SLC35F1: variants seen among roughly 807,000 people sequenced by gnomAD.
The protein encoded by SLC35F1 is solute carrier family 35 member F1.
SLC35F1 carries 14 observed loss-of-function variants against 48.7 expected under a neutral mutation model. The observed-to-expected ratio is 0.29, with a 90% CI of 0.19 to 0.45. SLC35F1 has a LOEUF of 0.45. SLC35F1 is among the 20% of genes least tolerant of loss of function. SLC35F1 has a pLI of 1.00. For synonymous variants in SLC35F1, 190 were observed against 202.2 expected, an observed-to-expected ratio of 0.94 and a Z score of 0.51; for missense variants, 404 against 500.0, an observed-to-expected ratio of 0.81 and a Z score of 1.83.
intron 1 of SLC35F1, among the ~76,000 whole-genome samples, chr6:117,914,088 A>G (rs777325694): frequency 1.2e-4 from 6 of 49,322 alleles, no homozygotes; most frequent in Non-Finnish European, 2.7e-4. Context: ...AAAGAATCCT[A>G]TCTATCTATC....
chr6:118,009,242 T>C (rs1777214487), intron 1 of SLC35F1, among the ~76,000 whole-genome samples: 1 of 152,098 alleles, frequency 6.6e-6, no homozygotes. Flanking sequence ...GGATAGAGGA[T>C]AAAGGGATTA....
At chr6:118,055,011 G>A (rs1487929140) in intron 1 of SLC35F1, among the ~76,000 whole-genome samples, 3 of 152,120 alleles carry the variant, frequency 2.0e-5, no homozygotes, top group Non-Finnish European at 4.4e-5. Context: ...TCCTGACCGC[G>A]TGATCCGCCT....
chr6:118,304,571 T>C (rs283057), intron 7 of SLC35F1, among the ~76,000 whole-genome samples: 88,311 of 151,976 alleles, frequency 0.58, 26,298 homozygotes, highest in African/African-American at 0.69. Context: ...GCAATTCAAA[T>C]TGATTTGTGG....
intron 2 of SLC35F1, among the ~76,000 whole-genome samples, chr6:118,222,505 G>A (rs1415926817): frequency 6.6e-6 from 1 of 151,626 alleles, no homozygotes; most frequent in African/African-American, 2.4e-5. Context: ...TAATTTATTG[G>A]GGGGTATAAA....
intron 3 of SLC35F1, among the ~76,000 whole-genome samples, chr6:118,255,070 A>C (rs281864): frequency 0.53 from 81,202 of 151,952 alleles, 22,007 homozygotes; most frequent in African/African-American, 0.58. Flanking sequence ...GAGCTCACAG[A>C]TGCTAGATTG....
intron 1 of SLC35F1, among the ~76,000 whole-genome samples, chr6:118,001,131 T>G (rs371038595): frequency 6.6e-6 from 1 of 152,128 alleles, no homozygotes; most frequent in Admixed American, 6.5e-5. Context: ...AAAAAGAGCC[T>G]GCATCGCCAA....
At chr6:118,279,310 C>A (rs1775954195) in intron 6 of SLC35F1, among the ~76,000 whole-genome samples, 1 of 152,054 alleles carries the variant, frequency 6.6e-6, no homozygotes, top group Non-Finnish European at 1.5e-5. Context: ...TAAAAAATGG[C>A]CTCAAAGGGG....
chr6:118,043,836 C>T (rs1052930579), intron 1 of SLC35F1, among the ~76,000 whole-genome samples: 2 of 152,194 alleles, frequency 1.3e-5, no homozygotes, highest in Non-Finnish European at 2.9e-5. Flanking sequence ...CTCAGATCTA[C>T]AGGTAAATAA....
chr6:118,009,595 A>C (rs536186187), intron 1 of SLC35F1, among the ~76,000 whole-genome samples: 11 of 152,294 alleles, frequency 7.2e-5, no homozygotes, highest in African/African-American at 2.6e-4. Context: ...CACAGAGCTA[A>C]TTAGAGGCAA....
intron 7 of SLC35F1, among the ~76,000 whole-genome samples, chr6:118,306,682 C>T (rs1776315837): frequency 6.6e-6 from 1 of 152,200 alleles, no homozygotes; most frequent in Admixed American, 6.5e-5. Flanking sequence ...ATTAAACATT[C>T]CCACAGAGTA....
At chr6:118,046,341 A>G (rs1360940039) in intron 1 of SLC35F1, among the ~76,000 whole-genome samples, 10 of 152,158 alleles carry the variant, frequency 6.6e-5, no homozygotes, top group Non-Finnish European at 2.9e-5. Flanking sequence ...TATCAGTTCT[A>G]TTATTGAGGC....
At chr6:118,000,719 T>C (rs1485073648) in intron 1 of SLC35F1, among the ~76,000 whole-genome samples, 2 of 152,162 alleles carry the variant, frequency 1.3e-5, no homozygotes, top group African/African-American at 2.4e-5. Context: ...CAGCTCAAAA[T>C]CTCCTTAAGC....
At chr6:118,248,962 G>GA (rs1775539938) in intron 3 of SLC35F1, among the ~76,000 whole-genome samples, 1 of 152,152 alleles carries the variant, frequency 6.6e-6, no homozygotes, top group Admixed American at 6.5e-5. Flanking sequence ...TTATAAAAGA[G>GA]ACCCCATTGA....
chr6:118,185,113 T>C (rs1004023581), intron 2 of SLC35F1, among the ~76,000 whole-genome samples: 1 of 152,152 alleles, frequency 6.6e-6, no homozygotes, highest in African/African-American at 2.4e-5. Context: ...AGTGATAGCA[T>C]TAGCAAGAGG....
At chr6:118,079,000 G>T (rs1159714971) in intron 1 of SLC35F1, among the ~76,000 whole-genome samples, 7 of 151,986 alleles carry the variant, frequency 4.6e-5, no homozygotes, top group Non-Finnish European at 1.0e-4. Context: ...AGGCCACTAG[G>T]GGTCCACTTA....
At chr6:118,179,798 G>A (rs1382341880) in intron 2 of SLC35F1, among the ~76,000 whole-genome samples, 1 of 152,092 alleles carries the variant, frequency 6.6e-6, no homozygotes, top group Non-Finnish European at 1.5e-5. Flanking sequence ...ACGAGTGCAG[G>A]CCAGTAGCTC....
intron 6 of SLC35F1, among the ~76,000 whole-genome samples, chr6:118,283,929 C>T (rs994188248): frequency 2.6e-5 from 4 of 152,142 alleles, no homozygotes; most frequent in African/African-American, 4.8e-5. Context: ...TTTACCTTTC[C>T]GAAATAGGAA....
intron 1 of SLC35F1, among the ~76,000 whole-genome samples, chr6:117,923,691 G>GTGTACATATGTACATATA (rs1775955264): frequency 1.3e-4 from 1 of 7,424 alleles, no homozygotes; most frequent in Non-Finnish European, 3.4e-4. Context: ...ATATACATAT[G>GTGTACATATGTACATATA]TACATATACA....
chr6:117,966,140 C>CG (rs1393667511), intron 1 of SLC35F1, among the ~76,000 whole-genome samples: 32 of 128,098 alleles, frequency 2.5e-4, no homozygotes, highest in East Asian at 2.7e-4. Context: ...CGCCCCCCCC[C>CG]CCACTCCCGC....
Sources: allele counts gnomAD v4.1 joint callset (sites outside exome capture counted in the v4.1 genomes callset), GRCh38; gene constraint gnomAD v4.1.1; transcripts MANE v1.5; gene names NCBI Gene and HGNC (gene_info 2026-07-23, HGNC 2026-07-21).